Variants in CDC42BPA observed in about 807,000 individuals in gnomAD.
CDC42BPA encodes the protein CDC42 binding protein kinase alpha.
CDC42BPA carries 80 observed loss-of-function variants against 223.5 expected under a neutral mutation model. The observed-to-expected ratio is 0.36, with a 90% CI of 0.30 to 0.43. The LOEUF (loss-of-function observed/expected upper bound fraction) is 0.43. CDC42BPA is among the 20% of genes least tolerant of loss of function. The probability of loss-of-function intolerance (pLI) is 1.00; values close to 1 mark genes in which losing one functional copy is unlikely to be tolerated. For missense variants in CDC42BPA, 1,743 were observed against 2,099.9 expected, an observed-to-expected ratio of 0.83 and a Z score of 3.32; for synonymous variants, 694 against 718.6, an observed-to-expected ratio of 0.97 and a Z score of 0.55.
chr1:227,256,124 GA>G, intron 1 of CDC42BPA, among the ~76,000 whole-genome samples: 1 of 152,252 alleles, frequency 6.6e-6, no homozygotes, highest in East Asian at 1.9e-4. Context: ...TTTCTCCAAA[GA>G]AGATAAATAA....
At chr1:227,216,626 T>C (rs546921751) in intron 2 of CDC42BPA, among the ~76,000 whole-genome samples, 21 of 152,318 alleles carry the variant, frequency 1.4e-4, no homozygotes, top group Admixed American at 1.0e-3. Flanking sequence ...CATACTGATA[T>C]TCATTTCAGT....
chr1:226,999,412 G>A (rs1015724292), intron 35 of CDC42BPA, among the ~76,000 whole-genome samples: 3 of 152,054 alleles, frequency 2.0e-5, no homozygotes, highest in Non-Finnish European at 2.9e-5. Context: ...TCCTGACCTC[G>A]TGATCCACCC....
At chr1:227,255,545 A>G (rs1385139961) in intron 1 of CDC42BPA, among the ~76,000 whole-genome samples, 1 of 152,162 alleles carries the variant, frequency 6.6e-6, no homozygotes, top group Non-Finnish European at 1.5e-5. Flanking sequence ...CCTTAGCTAC[A>G]CAGGAGGCTA....
At chr1:227,034,571 C>T (rs1332327690) in intron 26 of CDC42BPA, 84 bp downstream of exon 26, 4 of 1,263,510 alleles carry the variant, frequency 3.2e-6, no homozygotes, top group East Asian at 2.4e-5. Context: ...TTAAATAAAC[C>T]ATGGCAACAC....
At chr1:227,018,390 A>C (rs1186499173) in intron 32 of CDC42BPA, among the ~76,000 whole-genome samples, 2 of 152,182 alleles carry the variant, frequency 1.3e-5, no homozygotes, top group African/African-American at 4.8e-5. Flanking sequence ...AAACACAGAA[A>C]AAGAAAGGAC....
In CDC42BPA at chr1:226,999,621, A is replaced by G. The variant is rs756993999; in HGVS notation, c.4976-4641T>C. 7.2e-5 allele frequency among the ~76,000 whole-genome samples: 11 copies of G among 152,316 alleles called. 2 individuals are homozygous for G. The highest frequency in any genetic ancestry group is 6.8e-3 in the Middle Eastern group (2 of 294). On this transcript the variant is annotated intron_variant, in intron 35 of 36. Coordinates refer to ENST00000366766, the MANE Select transcript of CDC42BPA (RefSeq NM_001394014.1). ...TGGGTATATACTCAAAGGATTATAA[A>G]TCATTCTACTATAAAGACACATGCA...
At chr1:227,031,053 C>G (rs970965368) in intron 28 of CDC42BPA, among the ~76,000 whole-genome samples, 4 of 151,994 alleles carry the variant, frequency 2.6e-5, no homozygotes, top group African/African-American at 9.7e-5. Flanking sequence ...GATTAGTAGG[C>G]TAATGCTTAG....
intron 10 of CDC42BPA, among the ~76,000 whole-genome samples, 192 bp downstream of exon 10, chr1:227,139,384 T>G (rs1032117122): frequency 6.6e-6 from 1 of 152,186 alleles, no homozygotes; most frequent in African/African-American, 2.4e-5. Flanking sequence ...AAAGCTATTT[T>G]GTTGTTGTTT....
intron 5 of CDC42BPA, among the ~76,000 whole-genome samples, chr1:227,165,541 A>G (rs987841161): frequency 6.6e-6 from 1 of 152,228 alleles, no homozygotes; most frequent in African/African-American, 2.4e-5. Flanking sequence ...AAATTATAGT[A>G]TATTTCTTGG....
intron 1 of CDC42BPA, among the ~76,000 whole-genome samples, chr1:227,308,757 T>G (rs535662867): frequency 6.6e-6 from 1 of 151,890 alleles, no homozygotes; most frequent in Non-Finnish European, 1.5e-5. Context: ...AACAGAAACA[T>G]TTCAGGTTAG....
chr1:227,225,005 C>T (rs539800857), intron 2 of CDC42BPA, among the ~76,000 whole-genome samples: 13 of 152,238 alleles, frequency 8.5e-5, no homozygotes, highest in African/African-American at 3.1e-4. Context: ...ATTCATGGAG[C>T]ACACATTCTA....
rs553740153 is a variant in CDC42BPA, at chr1:227,070,500, C to T, written c.2828-647G>A. On this transcript the variant is annotated intron_variant, in intron 20 of 36. Transcript: ENST00000366766. Reference sequence around the variant, plus strand: ...AATAAAAATACTAGGTAGAAAAAAACCAGAAAACAGCCAATCCCACATTTT... The same window carrying T: ...AATAAAAATACTAGGTAGAAAAAAATCAGAAAACAGCCAATCCCACATTTT... 9.9e-5 allele frequency among the ~76,000 whole-genome samples: 15 copies of T among 151,810 alleles called. No individual in the cohort carries two copies. In the South Asian group the frequency reaches 2.9e-3, roughly 30 times the overall value.
At chr1:227,081,763 G>T (rs1680715862) in intron 16 of CDC42BPA, among the ~76,000 whole-genome samples, 1 of 151,848 alleles carries the variant, frequency 6.6e-6, no homozygotes, top group Admixed American at 6.6e-5. Context: ...CTATACGCCT[G>T]TTCTCTTATC....
Position 227,007,366 on chromosome 1 carries a change from C to T in CDC42BPA, c.4858-2255G>A, listed in dbSNP as rs181361978. ...TTATTAACCTGGTGTTCTCTCAGTG[C>T]TAACTAGTTCATTAAAATTGTTTGC... On this transcript the variant is annotated intron_variant, in intron 34 of 36. Transcript: ENST00000366766. Among the ~76,000 whole-genome samples the T allele has an allele frequency of 4.8e-3, 729 of 152,232 alleles. 4 individuals are homozygous for T. Among genetic ancestry groups the T allele is most frequent in the African/African-American group, 0.017 (700 of 41,540 alleles).
intron 16 of CDC42BPA, among the ~76,000 whole-genome samples, chr1:227,084,119 G>C (rs1168712780): frequency 6.6e-6 from 1 of 152,106 alleles, no homozygotes; most frequent in Admixed American, 6.5e-5. Flanking sequence ...ACTGTAAGTG[G>C]TATTCATATA....
intron 5 of CDC42BPA, among the ~76,000 whole-genome samples, chr1:227,174,785 C>T (rs1666681582): frequency 6.6e-6 from 1 of 152,062 alleles, no homozygotes; most frequent in African/African-American, 2.4e-5. Flanking sequence ...TACATTCCAT[C>T]CTAAGAATCT....
rs575077152 is a variant in CDC42BPA, at chr1:227,275,783, T to G, written c.179-21628A>C. On this transcript the variant is annotated intron_variant, in intron 1 of 36. Coordinates refer to ENST00000366766, the MANE Select transcript of CDC42BPA (RefSeq NM_001394014.1). ...ACGCCTGACTGGTTTTTGTATTTTT[T>G]GGTGGAGAAGGGGTTTCGCCATGTT... Among the ~76,000 whole-genome samples the G allele has an allele frequency of 1.4e-4, 22 of 152,324 alleles. No individual in the cohort carries two copies. The East Asian group carries it at 3.9e-3, about 27-fold the overall frequency.
intron 10 of CDC42BPA, among the ~76,000 whole-genome samples, chr1:227,131,373 G>C (rs1203028361): frequency 6.6e-6 from 1 of 152,196 alleles, no homozygotes; most frequent in African/African-American, 2.4e-5. Flanking sequence ...AATTAGGTAT[G>C]TGACCTAGTT....
chr1:227,106,351 A>G (rs922097879), intron 14 of CDC42BPA, among the ~76,000 whole-genome samples: 1 of 152,148 alleles, frequency 6.6e-6, no homozygotes, highest in Non-Finnish European at 1.5e-5. Flanking sequence ...GTTATCACAT[A>G]TATGATTTGC....
Sources: allele counts gnomAD v4.1 joint callset (sites outside exome capture counted in the v4.1 genomes callset), GRCh38; gene constraint gnomAD v4.1.1; transcripts MANE v1.5; gene names NCBI Gene and HGNC (gene_info 2026-07-23, HGNC 2026-07-21).